Variants in CEMIP2 observed in about 807,000 individuals in gnomAD.
The protein encoded by CEMIP2 is cell migration inducing hyaluronidase 2.
Under a neutral mutation model 146.9 loss-of-function variants are expected in CEMIP2, and 79 were observed. The ratio of observed to expected loss-of-function variants is 0.54; its 90% CI spans 0.45 to 0.65. The LOEUF (loss-of-function observed/expected upper bound fraction) is 0.65. Ranked by LOEUF, CEMIP2 falls within the 30% of genes least tolerant of loss-of-function variation. The pLI, the probability that CEMIP2 is intolerant of heterozygous loss-of-function variation, is 0.00. For synonymous variants in CEMIP2, 601 were observed against 606.3 expected (o/e 0.99, Z 0.13); for missense variants, 1,596 against 1,696.2 (o/e 0.94, Z 1.04).
At chr9:71,714,651 C>T (rs541857855) in intron 15 of CEMIP2, among the ~76,000 whole-genome samples, 1 of 152,042 alleles carries the variant, frequency 6.6e-6, no homozygotes, top group Non-Finnish European at 1.5e-5. Context: ...AGGTCTTATA[C>T]AAGGAATGAG....
chr9:71,704,312 TAG>T, intron 18 of CEMIP2: 1 of 390,370 alleles, frequency 2.6e-6, no homozygotes. Flanking sequence ...CCATCCCAGC[TAG>T]AGGGAATTAA....
intron 1 of CEMIP2, among the ~76,000 whole-genome samples, chr9:71,752,388 A>G (rs1022579879): frequency 2.4e-5 from 2 of 83,112 alleles, no homozygotes; most frequent in African/African-American, 9.2e-5. Flanking sequence ...CGTTCTCTAT[A>G]AAGAGCAATT....
In CEMIP2 at chr9:71,725,709, C is replaced by G; in HGVS notation, c.2050G>C (p.Asp684His). 2 of 1,611,512 alleles carry G rather than the reference C, an allele frequency of 1.2e-6. No individual in the cohort carries two copies. Among genetic ancestry groups the G allele is most frequent in the South Asian group, 2.2e-5 (2 of 90,676 alleles). Residue 684 changes from aspartate (D) to histidine (H), a missense_variant and splice_region_variant, in exon 11 of 24, where the codon GAT (aspartate) becomes CAT (histidine). Physicochemically the swap from Asp to His is moderately conservative, Grantham distance 81. Coordinates refer to ENST00000377044, the MANE Select transcript of CEMIP2 (RefSeq NM_013390.3). ...TGGAATAAATACCATATTCCAGCATCCTACAAATGAAAGGACAAGCCCATT... is the reference window on the plus strand; with the variant it reads ...TGGAATAAATACCATATTCCAGCATGCTACAAATGAAAGGACAAGCCCATT... Reference protein sequence around the residue: ...LINNAAAGSQDAGIWYLFHKE... With the variant: ...LINNAAAGSQHAGIWYLFHKE...
At position 71,740,185 on chromosome 9, in the gene CEMIP2, C is replaced by T. The variant is rs1223472386; in HGVS notation, c.1082G>A (p.Cys361Tyr). ...TTCATAGTTTCTCACGGATTCATTG[C>T]AAGAAGTGCTTCCACCATCAATGAC... ...VGVIDGGSTS[C>Y]NESVRNYENH... Residue 361 changes from cysteine to tyrosine, a missense_variant, in exon 5 of 24, where the codon TGC (cysteine) becomes TAC (tyrosine). Transcript: ENST00000377044. 1.2e-6 allele frequency: 2 copies of T among 1,613,980 alleles called. No individual in the cohort carries two copies. Among genetic ancestry groups the T allele is most frequent in the Non-Finnish European group, 1.7e-6 (2 of 1,180,008 alleles).
At chr9:71,748,046 C>G (rs1395371085) in intron 2 of CEMIP2, among the ~76,000 whole-genome samples, 2 of 152,160 alleles carry the variant, frequency 1.3e-5, no homozygotes, top group Non-Finnish European at 2.9e-5. Flanking sequence ...TTCTACCTCC[C>G]TCTTCCCATA....
rs112567723 is a variant in CEMIP2, at chr9:71,709,237, A to G, written c.2985+22T>C. 31 of 1,611,320 alleles carry G rather than the reference A, an allele frequency of 1.9e-5. 1 individual carries two copies. In the African/African-American group the frequency reaches 2.8e-4, roughly 15 times the overall value. ...GGCAGGAGCTGGTAGGAACTTGAGC[A>G]TTATACATTTGCTAAGCCTACCTGT... On this transcript the variant is annotated intron_variant, in intron 17 of 23. Coordinates refer to ENST00000377044, the MANE Select transcript of CEMIP2 (RefSeq NM_013390.3).
At chr9:71,710,186 T>C (rs945164288) in intron 16 of CEMIP2, among the ~76,000 whole-genome samples, 5 of 152,226 alleles carry the variant, frequency 3.3e-5, no homozygotes, top group East Asian at 1.9e-4. Context: ...TTAAAGCCTT[T>C]ATCAAACACA....
chr9:71,717,214 C>T (rs146031607), intron 13 of CEMIP2, among the ~76,000 whole-genome samples: 1 of 152,020 alleles, frequency 6.6e-6, no homozygotes. Flanking sequence ...GCCTGGCAAA[C>T]AGTAAGCAGT....
intron 1 of CEMIP2, among the ~76,000 whole-genome samples, chr9:71,762,425 A>G (rs1347838334): frequency 2.1e-5 from 3 of 143,256 alleles, no homozygotes; most frequent in Non-Finnish European, 4.5e-5. Context: ...GTTCAAGACT[A>G]TAGTGTGCTA....
chr9:71,750,009 A>G, intron 2 of CEMIP2, 34 bp downstream of exon 2: 1 of 1,525,848 alleles, frequency 6.6e-7, no homozygotes, highest in Non-Finnish European at 8.8e-7. Flanking sequence ...TTTGTCTTCT[A>G]GAATATGTTC....
rs914179772 is a variant in CEMIP2 at position 71,757,777 on chromosome 9, G to C, written c.-12-7392C>G. 5.9e-5 allele frequency among the ~76,000 whole-genome samples: 9 copies of C among 152,244 alleles called. No individual in the cohort carries two copies. In the East Asian group the frequency reaches 1.7e-3, roughly 29 times the overall value. ...TTTGGTTTGGTTTGAGGGGAAGCAG[G>C]GTTAGGGCGTTTCATTTAGTTTTGT... On this transcript the variant is annotated intron_variant, in intron 1 of 23. Transcript: ENST00000377044.
chr9:71,699,658 C>T (rs1822502845), intron 19 of CEMIP2, among the ~76,000 whole-genome samples: 1 of 152,158 alleles, frequency 6.6e-6, no homozygotes, highest in South Asian at 2.1e-4. Context: ...CCCTTCTCCC[C>T]ACTCTGAACT....
intron 10 of CEMIP2, among the ~76,000 whole-genome samples, chr9:71,728,580 G>A (rs1332237117): frequency 5.3e-5 from 8 of 150,994 alleles, no homozygotes; most frequent in African/African-American, 1.2e-4. Context: ...CTTATCCAGG[G>A]GACATTTCTA....
At chr9:71,768,179 G>A (rs890216581) in intron 1 of CEMIP2, among the ~76,000 whole-genome samples, 178 bp downstream of exon 1, 6 of 152,196 alleles carry the variant, frequency 3.9e-5, no homozygotes, top group African/African-American at 1.4e-4. Context: ...GGAGGCGCAC[G>A]GGGGAAGGGC....
intron 12 of CEMIP2, among the ~76,000 whole-genome samples, chr9:71,720,775 T>C (rs1435734264): frequency 6.6e-6 from 1 of 152,256 alleles, no homozygotes; most frequent in Non-Finnish European, 1.5e-5. Flanking sequence ...GTTCAGTATA[T>C]GCACAAGCTC....
intron 10 of CEMIP2, among the ~76,000 whole-genome samples, chr9:71,726,226 G>A (rs11142979): frequency 1.3e-5 from 2 of 152,060 alleles, no homozygotes; most frequent in Non-Finnish European, 1.5e-5. Context: ...ACCACCACAC[G>A]TATGAATCAG....
intron 13 of CEMIP2, among the ~76,000 whole-genome samples, chr9:71,717,343 GA>G (rs960626119): frequency 6.6e-5 from 10 of 151,866 alleles, no homozygotes; most frequent in African/African-American, 2.4e-4. Context: ...TTTTTTGGAT[GA>G]AAAAACTCAG....
chr9:71,686,945 AAAAT>A (rs1369855446), intron 22 of CEMIP2: 1 of 152,186 alleles, frequency 6.6e-6, no homozygotes, highest in Non-Finnish European at 1.5e-5. Context: ...CACAATTCTA[AAAAT>A]AAATAAACGA....
intron 4 of CEMIP2, among the ~76,000 whole-genome samples, chr9:71,744,762 A>T (rs531804055): frequency 5.6e-4 from 86 of 152,250 alleles, no homozygotes; most frequent in African/African-American, 2.0e-3. Context: ...TCAGTACCAC[A>T]CTTCTGCTCT....
Sources: gnomAD v4.1 joint callset for allele counts (sites outside exome capture counted in the v4.1 genomes callset) on GRCh38, gnomAD v4.1.1 for gene constraint, MANE v1.5 for transcripts, NCBI Gene and HGNC (gene_info 2026-07-23, HGNC 2026-07-21) for gene names.